The following WWOX variants were observed in gnomAD, a reference collection of about 807,000 sequenced individuals.
WWOX encodes the protein WW domain-containing oxidoreductase.
Under a neutral mutation model 46.2 loss-of-function variants are expected in WWOX, and 69 were observed. The observed-to-expected ratio is 1.49, with a 90% confidence interval of 1.23 to 1.82. The LOEUF is 1.82. Ranked by LOEUF, WWOX falls within the 40% of genes most tolerant of loss-of-function variation. The pLI is 0.00. For missense variants in WWOX, 919 were observed against 542.6 expected (o/e 1.69, Z -6.89); for synonymous variants, 359 against 202.6 (o/e 1.77, Z -6.56).
intron 8 of WWOX, among the ~76,000 whole-genome samples, chr16:78,596,773 C>T (rs918303304): frequency 6.6e-6 from 1 of 151,332 alleles, no homozygotes. Context: ...AGTACACAGC[C>T]ATGAAAATAA....
At chr16:78,236,342 T>C (rs2037437047) in intron 5 of WWOX, among the ~76,000 whole-genome samples, 1 of 152,108 alleles carries the variant, frequency 6.6e-6, no homozygotes, top group African/African-American at 2.4e-5. Context: ...TGGTGGGAGA[T>C]AGTTTGAGAT....
intron 6 of WWOX, among the ~76,000 whole-genome samples, chr16:78,416,716 T>C (rs1364796904): frequency 6.6e-6 from 1 of 152,218 alleles, no homozygotes; most frequent in Admixed American, 6.5e-5. Flanking sequence ...TAAAATTAGG[T>C]AAACACTGCA....
intron 8 of WWOX, among the ~76,000 whole-genome samples, chr16:78,767,896 T>C (rs1185988243): frequency 6.6e-6 from 1 of 152,308 alleles, no homozygotes; most frequent in Middle Eastern, 3.4e-3. Context: ...CATGGCTTTT[T>C]GGTTCTATTT....
intron 5 of WWOX, among the ~76,000 whole-genome samples, chr16:78,311,484 AGTT>A (rs2080242840): frequency 1.3e-5 from 2 of 152,170 alleles, no homozygotes; most frequent in South Asian, 2.1e-4. Context: ...ATTCCTCTGC[AGTT>A]GTTGGGCTTT....
intron 8 of WWOX, among the ~76,000 whole-genome samples, chr16:78,987,502 AG>A (rs1260198857): frequency 6.6e-6 from 1 of 152,150 alleles, no homozygotes; most frequent in East Asian, 1.9e-4. Flanking sequence ...AACTGGAAGG[AG>A]GGTTTCTCAT....
At chr16:78,178,739 C>T (rs1158892834) in intron 5 of WWOX, among the ~76,000 whole-genome samples, 2 of 151,982 alleles carry the variant, frequency 1.3e-5, no homozygotes, top group African/African-American at 2.4e-5. Context: ...TGGCGCATGG[C>T]TATAATCCCA....
At chr16:78,299,432 T>C (rs8053710) in intron 5 of WWOX, among the ~76,000 whole-genome samples, 5,462 of 152,240 alleles carry the variant, frequency 0.036, 350 homozygotes, top group African/African-American at 0.13. Context: ...CAAATCAATG[T>C]GCTGAATCAG....
rs1179501320 is a variant in WWOX at position 78,452,475 on chromosome 16, C to T, written c.1056+19723C>T. 6.3e-5 allele frequency among the ~76,000 whole-genome samples: 8 copies of T among 126,056 alleles called. No homozygotes were observed. The East Asian group carries it at 1.1e-3, about 18-fold the overall frequency. 82.7% of individuals were successfully genotyped at this position (126,056 alleles called of 152,430 possible). ...AATAAATACTTTTTTCTCTCTCTCTCTTTTTTTTTTTTTTTTTTTGAGACG... is the reference window on the plus strand; with the variant it reads ...AATAAATACTTTTTTCTCTCTCTCTTTTTTTTTTTTTTTTTTTTTGAGACG... On this transcript the variant is annotated intron_variant, in intron 8 of 8. Transcript: ENST00000566780.
intron 6 of WWOX, among the ~76,000 whole-genome samples, chr16:78,404,283 T>G (rs2082475650): frequency 6.6e-6 from 1 of 152,100 alleles, no homozygotes; most frequent in South Asian, 2.1e-4. Flanking sequence ...ATCTTATTAT[T>G]TTTCGGGGAT....
chr16:78,732,127 G>A (rs949235413), intron 8 of WWOX, among the ~76,000 whole-genome samples: 1 of 152,122 alleles, frequency 6.6e-6, no homozygotes, highest in African/African-American at 2.4e-5. Context: ...GTCTCCAAAA[G>A]TGCTGGGATT....
intron 8 of WWOX, among the ~76,000 whole-genome samples, chr16:78,667,411 C>T (rs1182260913): frequency 6.6e-6 from 1 of 152,072 alleles, no homozygotes; most frequent in Non-Finnish European, 1.5e-5. Flanking sequence ...TGGCTCACGC[C>T]TGTATTCCCA....
At chr16:78,292,102 TA>T (rs1887544252) in intron 5 of WWOX, among the ~76,000 whole-genome samples, 1 of 150,644 alleles carries the variant, frequency 6.6e-6, no homozygotes. Context: ...AGTGTCATTC[TA>T]TTGTCCAGGC....
chr16:78,645,675 G>C (rs534113931), intron 8 of WWOX, among the ~76,000 whole-genome samples: 1 of 152,174 alleles, frequency 6.6e-6, no homozygotes, highest in South Asian at 2.1e-4. Context: ...AATAGAGGGA[G>C]AACATTAATC....
chr16:78,736,766 A>T (rs2049101757), intron 8 of WWOX, among the ~76,000 whole-genome samples: 1 of 152,008 alleles, frequency 6.6e-6, no homozygotes, highest in Non-Finnish European at 1.5e-5. Context: ...CATCTGACTA[A>T]TTACTAAATT....
chr16:78,970,795 T>A (rs1234952162), intron 8 of WWOX, among the ~76,000 whole-genome samples: 1 of 152,088 alleles, frequency 6.6e-6, no homozygotes, highest in East Asian at 1.9e-4. Flanking sequence ...AAACCCAGCT[T>A]TTGGCAAAAG....
At chr16:78,306,499 C>T (rs939568156) in intron 5 of WWOX, among the ~76,000 whole-genome samples, 1 of 152,176 alleles carries the variant, frequency 6.6e-6, no homozygotes. Context: ...GCCCCCTGTG[C>T]AGCTTCAACT....
intron 8 of WWOX, among the ~76,000 whole-genome samples, chr16:78,788,464 C>T (rs990683041): frequency 6.6e-6 from 1 of 152,148 alleles, no homozygotes; most frequent in African/African-American, 2.4e-5. Context: ...GCCTTATGCC[C>T]TGGGGAAAGG....
intron 8 of WWOX, among the ~76,000 whole-genome samples, chr16:79,061,282 A>G (rs2048353454): frequency 6.6e-6 from 1 of 152,104 alleles, no homozygotes; most frequent in Non-Finnish European, 1.5e-5. Flanking sequence ...GATTTTTACA[A>G]TTTGTGCTTA....
intron 8 of WWOX, among the ~76,000 whole-genome samples, chr16:78,980,726 C>T (rs533511857): frequency 1.1e-4 from 16 of 152,072 alleles, no homozygotes; most frequent in Non-Finnish European, 2.1e-4. Flanking sequence ...CTCCATTCTC[C>T]CAAGGAGACT....
Sources: allele counts gnomAD v4.1 joint callset (sites outside exome capture counted in the v4.1 genomes callset), GRCh38; gene constraint gnomAD v4.1.1; transcripts MANE v1.5; gene names NCBI Gene and HGNC (gene_info 2026-07-23, HGNC 2026-07-21).